The following DLG2 variants were observed in gnomAD, a reference collection of about 807,000 sequenced individuals.
The protein encoded by DLG2 is disks large homolog 2.
In DLG2, 45 loss-of-function variants were observed where a neutral mutation model predicts 132.5. That is an observed-to-expected ratio of 0.34 (90% CI 0.27 to 0.44). The LOEUF is 0.44. DLG2 is among the 20% of genes least tolerant of loss of function. DLG2 has a pLI of 1.00. For synonymous variants in DLG2, 424 were observed against 419.6 expected (o/e 1.01, Z -0.13); for missense variants, 1,045 against 1,196.9 (o/e 0.87, Z 1.87).
chr11:83,996,330 TG>T (rs1316567977), intron 11 of DLG2, among the ~76,000 whole-genome samples: 3 of 152,170 alleles, frequency 2.0e-5, no homozygotes, highest in African/African-American at 2.4e-5. Flanking sequence ...TGACAAATAC[TG>T]GCTGGGATAT....
intron 6 of DLG2, among the ~76,000 whole-genome samples, chr11:84,801,029 G>C (rs975679981): frequency 2.0e-5 from 3 of 152,104 alleles, no homozygotes; most frequent in Admixed American, 2.0e-4. Context: ...GGGAGAACTG[G>C]ATTTTATGTG....
intron 7 of DLG2, among the ~76,000 whole-genome samples, chr11:84,279,451 T>C (rs1598951260): frequency 6.6e-6 from 1 of 152,178 alleles, no homozygotes; most frequent in East Asian, 1.9e-4. Flanking sequence ...AGCAATCCCA[T>C]TACTCGGTAT....
intron 11 of DLG2, among the ~76,000 whole-genome samples, chr11:84,020,113 G>A (rs2095346651): frequency 6.6e-6 from 1 of 152,068 alleles, no homozygotes; most frequent in Admixed American, 6.6e-5. Flanking sequence ...AGGAGGCACT[G>A]GAGGTTTCAA....
At chr11:85,236,463 C>A (rs890711331) in intron 4 of DLG2, among the ~76,000 whole-genome samples, 6 of 151,936 alleles carry the variant, frequency 3.9e-5, no homozygotes, top group African/African-American at 1.4e-4. Context: ...TGCAAGGCAC[C>A]CCTGGTGTAT....
chr11:85,421,116 C>T (rs2090271042), intron 3 of DLG2, among the ~76,000 whole-genome samples: 1 of 152,158 alleles, frequency 6.6e-6, no homozygotes, highest in African/African-American at 2.4e-5. Context: ...AGGGAATCTC[C>T]TGTTTTGTGG....
At chr11:84,093,595 T>C (rs913154373) in intron 10 of DLG2, among the ~76,000 whole-genome samples, 11 of 152,100 alleles carry the variant, frequency 7.2e-5, no homozygotes, top group Admixed American at 2.0e-4. Flanking sequence ...TATAGAATCT[T>C]GGGGAGTGGC....
intron 18 of DLG2, among the ~76,000 whole-genome samples, chr11:83,635,218 G>T (rs1387949571): frequency 6.6e-6 from 1 of 152,056 alleles, no homozygotes; most frequent in East Asian, 1.9e-4. Flanking sequence ...ACCAGCTTGG[G>T]TGACAAAGTG....
intron 18 of DLG2, among the ~76,000 whole-genome samples, chr11:83,699,937 G>GCACACACACACACACACACACA (rs140957816): frequency 7.0e-6 from 1 of 142,316 alleles, no homozygotes; most frequent in Non-Finnish European, 1.5e-5. Context: ...CACCACACAT[G>GCACACACACACACACACACACA]CACACACACA....
At chr11:84,472,227 T>G (rs2099110374) in intron 7 of DLG2, among the ~76,000 whole-genome samples, 1 of 151,932 alleles carries the variant, frequency 6.6e-6, no homozygotes, top group South Asian at 2.1e-4. Flanking sequence ...TTAAATATGT[T>G]TATGTGTATA....
chr11:84,199,915 G>C (rs933700379), intron 8 of DLG2, among the ~76,000 whole-genome samples: 3 of 151,852 alleles, frequency 2.0e-5, no homozygotes, highest in Non-Finnish European at 4.4e-5. Flanking sequence ...CAAGTTTGAT[G>C]AAAAAAACCA....
At chr11:85,312,188 GA>G in intron 3 of DLG2, among the ~76,000 whole-genome samples, 1 of 151,632 alleles carries the variant, frequency 6.6e-6, no homozygotes, top group Non-Finnish European at 1.5e-5. Flanking sequence ...GGCTTCTTAA[GA>G]AAAAACATTG....
chr11:83,962,890 G>A lies in DLG2; in HGVS notation c.1335C>T (p.Tyr445=), dbSNP rs1169068177. Residue 445 remains tyrosine, a synonymous_variant, in exon 14 of 28, where the codon TAC becomes TAT. Coordinates refer to ENST00000376104, the MANE Select transcript of DLG2 (RefSeq NM_001142699.3). ...AACTAACAGGCATATCTGACCTGGTGTAGTCGTCGTCAACAAGCATGTGCT... is the reference window on the plus strand; with the variant it reads ...AACTAACAGGCATATCTGACCTGGTATAGTCGTCGTCAACAAGCATGTGCT... ...IPKHMLVDDD[Y]TRPPEPVYST... is the part of the protein sequence containing the mutation. The A allele has an allele frequency of 6.2e-7, 1 of 1,612,840 alleles. No individual in the cohort carries two copies. The highest frequency in any genetic ancestry group is 2.2e-5 in the East Asian group (1 of 44,866).
At chr11:84,411,647 T>C (rs905586724) in intron 7 of DLG2, among the ~76,000 whole-genome samples, 2 of 152,100 alleles carry the variant, frequency 1.3e-5, no homozygotes, top group Non-Finnish European at 2.9e-5. Context: ...GGTTCAATTG[T>C]TAATAGAATG....
intron 15 of DLG2, among the ~76,000 whole-genome samples, chr11:83,897,803 T>C (rs186143130): frequency 6.6e-6 from 1 of 152,314 alleles, no homozygotes; most frequent in East Asian, 1.9e-4. Context: ...AAATGAAAAC[T>C]AAAATAATAA....
chr11:83,986,777 T>C (rs1164741274), intron 11 of DLG2, among the ~76,000 whole-genome samples: 1 of 152,176 alleles, frequency 6.6e-6, no homozygotes, highest in Non-Finnish European at 1.5e-5. Flanking sequence ...TGGTATCTCA[T>C]TGTGGTTTTT....
At chr11:83,937,595 T>C (rs2081782185) in intron 14 of DLG2, among the ~76,000 whole-genome samples, 1 of 150,758 alleles carries the variant, frequency 6.6e-6, no homozygotes, top group East Asian at 1.9e-4. Context: ...TGCTCAAATA[T>C]ATTTATCAAT....
chr11:83,670,755 A>G lies in DLG2; in HGVS notation c.1826-37430T>C, dbSNP rs374835077. Among the ~76,000 whole-genome samples, 31 of 152,330 alleles carry G rather than the reference A, an allele frequency of 2.0e-4. No individual in the cohort carries two copies. In the East Asian group the frequency reaches 4.8e-3, roughly 24 times the overall value. ...ACTAAGAACTCTGAAGGACAGATATATTCCCAAATTCTTTCTCAGGCAAAT... is the reference window on the plus strand; with the variant it reads ...ACTAAGAACTCTGAAGGACAGATATGTTCCCAAATTCTTTCTCAGGCAAAT... On this transcript the variant is annotated intron_variant, in intron 18 of 27. Transcript: ENST00000376104.
At chr11:83,892,135 C>G (rs2070110235) in intron 15 of DLG2, among the ~76,000 whole-genome samples, 1 of 152,086 alleles carries the variant, frequency 6.6e-6, no homozygotes, top group Admixed American at 6.6e-5. Context: ...TGAATATGTT[C>G]CAAGTAGTCA....
At chr11:85,384,034 C>G (rs550053046) in intron 3 of DLG2, among the ~76,000 whole-genome samples, 1 of 152,134 alleles carries the variant, frequency 6.6e-6, no homozygotes, top group Non-Finnish European at 1.5e-5. Flanking sequence ...AAACTGTCTC[C>G]TAGTTAATAC....
Sources: allele counts gnomAD v4.1 joint callset (sites outside exome capture counted in the v4.1 genomes callset), GRCh38; gene constraint gnomAD v4.1.1; transcripts MANE v1.5; gene names NCBI Gene and HGNC (gene_info 2026-07-23, HGNC 2026-07-21).